Variants in MAPK10 observed in about 807,000 individuals in gnomAD.
The protein encoded by MAPK10 is mitogen-activated protein kinase 10, also known as JNK3 alpha protein kinase.
MAPK10 carries 25 observed loss-of-function variants against 59.3 expected under a neutral mutation model. The ratio of observed to expected loss-of-function variants is 0.42; its 90% CI spans 0.31 to 0.59. The LOEUF (loss-of-function observed/expected upper bound fraction) is 0.59, where lower values mean the gene tolerates loss of function less well. Ranked by LOEUF, MAPK10 falls within the 20% of genes least tolerant of loss-of-function variation. The pLI is 0.15. For missense variants in MAPK10, 351 were observed against 568.9 expected, an observed-to-expected ratio of 0.62 and a Z score of 3.90; for synonymous variants, 190 against 200.5, an observed-to-expected ratio of 0.95 and a Z score of 0.44.
At chr4:86,194,575 T>G (rs1257920981) in intron 2 of MAPK10, among the ~76,000 whole-genome samples, 168 bp from the exon 3 acceptor site, 1 of 152,204 alleles carries the variant, frequency 6.6e-6, no homozygotes, top group Admixed American at 6.5e-5. Flanking sequence ...TTGTATTTAA[T>G]AATGAAATAA....
chr4:86,383,648 C>T (rs1313409058), intron 1 of MAPK10, among the ~76,000 whole-genome samples: 1 of 152,076 alleles, frequency 6.6e-6, no homozygotes, highest in Admixed American at 6.5e-5. Flanking sequence ...AATTAAAACA[C>T]CAAGACATGT....
At chr4:86,464,732 G>C (rs1752044322) in intron 1 of MAPK10, among the ~76,000 whole-genome samples, 2 of 151,870 alleles carry the variant, frequency 1.3e-5, no homozygotes, top group South Asian at 4.2e-4. Flanking sequence ...AGGCAGGAGA[G>C]TGGCGTGAAC....
At chr4:86,102,127 T>C in intron 6 of MAPK10, 95 bp from the exon 7 acceptor site, 1 of 1,109,612 alleles carries the variant, frequency 9.0e-7, no homozygotes, top group Non-Finnish European at 1.4e-6. Context: ...GTAAGTCTTC[T>C]GAACTTCTTA....
chr4:86,280,920 A>C (rs1367417981), intron 2 of MAPK10, among the ~76,000 whole-genome samples: 2 of 152,090 alleles, frequency 1.3e-5, no homozygotes, highest in Non-Finnish European at 2.9e-5. Context: ...TAAAGATGGG[A>C]ACAAAAGACA....
At chr4:86,269,669 A>C (rs1299543993) in intron 2 of MAPK10, among the ~76,000 whole-genome samples, 1 of 152,084 alleles carries the variant, frequency 6.6e-6, no homozygotes, top group African/African-American at 2.4e-5. Context: ...CAAATACTGC[A>C]GCACTCTATT....
At chr4:86,513,906 T>G (rs1246008831) in intron 1 of MAPK10, among the ~76,000 whole-genome samples, 3 of 152,124 alleles carry the variant, frequency 2.0e-5, no homozygotes, top group Non-Finnish European at 4.4e-5. Context: ...TAAGCTCCCT[T>G]GTTGCTCAAA....
chr4:86,286,978 A>G (rs1484370953), intron 2 of MAPK10, among the ~76,000 whole-genome samples: 2 of 152,186 alleles, frequency 1.3e-5, no homozygotes, highest in Admixed American at 6.5e-5. Flanking sequence ...CAGGAATTGA[A>G]TATCAGATCT....
In MAPK10 at chr4:86,172,516, T is replaced by C. The variant is rs575155523; in HGVS notation, c.67-13049A>G. ...GCATGTTCTCACTCATGGGTGGGAA[T>C]TGAACAATGAGAACACATGGACACA... On this transcript the variant is annotated intron_variant, in intron 3 of 13. Transcript: ENST00000641462. 5.3e-5 allele frequency among the ~76,000 whole-genome samples: 8 copies of C among 150,602 alleles called. No homozygotes were observed. The East Asian group carries it at 7.9e-4, about 15-fold the overall frequency.
intron 1 of MAPK10, among the ~76,000 whole-genome samples, chr4:86,525,577 A>G (rs1350281969): frequency 5.3e-5 from 8 of 152,212 alleles, no homozygotes; most frequent in Admixed American, 5.2e-4. Flanking sequence ...TGTACAAAGT[A>G]GAAGACAGCA....
intron 10 of MAPK10, chr4:86,064,648 A>G: frequency 4.6e-6 from 2 of 435,054 alleles, no homozygotes; most frequent in Non-Finnish European, 8.3e-6. Context: ...TCTTAGTAAA[A>G]TGTATCAACC....
At chr4:86,582,651 G>T (rs1762383996) in intron 1 of MAPK10, among the ~76,000 whole-genome samples, 1 of 152,160 alleles carries the variant, frequency 6.6e-6, no homozygotes, top group Admixed American at 6.5e-5. Flanking sequence ...ACGACACTGT[G>T]GGAAAAGAGA....
At chr4:86,061,924 T>C (rs2045838069) in intron 11 of MAPK10, among the ~76,000 whole-genome samples, 1 of 152,174 alleles carries the variant, frequency 6.6e-6, no homozygotes, top group Admixed American at 6.5e-5. Flanking sequence ...GATATATCAC[T>C]ATATTATAGC....
intron 1 of MAPK10, among the ~76,000 whole-genome samples, chr4:86,373,539 C>G (rs1271857918): frequency 6.6e-6 from 1 of 152,106 alleles, no homozygotes; most frequent in Admixed American, 6.5e-5. Context: ...CCTGAATCTA[C>G]AAGGAACTGA....
intron 2 of MAPK10, among the ~76,000 whole-genome samples, chr4:86,251,395 A>T (rs938829077): frequency 6.7e-6 from 1 of 149,756 alleles, no homozygotes; most frequent in African/African-American, 2.5e-5. Context: ...CTCATTGTTC[A>T]ATCCCCACCT....
chr4:86,533,520 C>G (rs899443406), intron 1 of MAPK10, among the ~76,000 whole-genome samples: 3 of 152,116 alleles, frequency 2.0e-5, no homozygotes, highest in African/African-American at 7.2e-5. Context: ...CCACCAGTAC[C>G]CATCCTTTTG....
At chr4:86,338,488 A>C (rs1722901431) in intron 2 of MAPK10, among the ~76,000 whole-genome samples, 1 of 152,198 alleles carries the variant, frequency 6.6e-6, no homozygotes, top group Admixed American at 6.5e-5. Context: ...AACTGGCTCC[A>C]TCTCAGGACA....
chr4:86,044,295 T>C (rs1316930710), intron 11 of MAPK10, among the ~76,000 whole-genome samples: 1 of 152,174 alleles, frequency 6.6e-6, no homozygotes. Flanking sequence ...CGGCTGCACA[T>C]TGAAATCATC....
intron 1 of MAPK10, among the ~76,000 whole-genome samples, chr4:86,555,520 T>A (rs1425137352): frequency 6.6e-6 from 1 of 152,230 alleles, no homozygotes; most frequent in Admixed American, 6.5e-5. Flanking sequence ...TATGGTTGAA[T>A]AAATGCTTAT....
intron 1 of MAPK10, among the ~76,000 whole-genome samples, chr4:86,521,737 C>G (rs968696799): frequency 6.6e-6 from 1 of 152,186 alleles, no homozygotes; most frequent in Non-Finnish European, 1.5e-5. Context: ...ACTGAGAAAG[C>G]ACACAGGGCT....
Sources: allele counts gnomAD v4.1 joint callset (sites outside exome capture counted in the v4.1 genomes callset), GRCh38; gene constraint gnomAD v4.1.1; transcripts MANE v1.5; gene names NCBI Gene and HGNC (gene_info 2026-07-23, HGNC 2026-07-21).